WDR7: variants seen among roughly 807,000 people sequenced by gnomAD.
The protein encoded by WDR7 is WD repeat domain 7.
Under a neutral mutation model 169.4 loss-of-function variants are expected in WDR7, and 46 were observed. The observed-to-expected ratio is 0.27, with a 90% CI of 0.21 to 0.35. WDR7 has a LOEUF of 0.35. Among genes scored for constraint, WDR7 ranks in the 10% least tolerant of loss-of-function variants. The pLI is 1.00. For synonymous variants in WDR7, 612 were observed against 666.8 expected (o/e 0.92, Z 1.27); for missense variants, 1,534 against 1,859.3 (o/e 0.83, Z 3.22).
chr18:56,853,326 G>C (rs1034438900), intron 20 of WDR7, among the ~76,000 whole-genome samples: 1 of 151,956 alleles, frequency 6.6e-6, no homozygotes, highest in South Asian at 2.1e-4. Context: ...TCACTTAGTC[G>C]TATATCATAA....
At chr18:56,857,471 G>A (rs1447856602) in intron 20 of WDR7, among the ~76,000 whole-genome samples, 4 of 151,952 alleles carry the variant, frequency 2.6e-5, no homozygotes, top group Non-Finnish European at 4.4e-5. Flanking sequence ...TGCCCAGGCC[G>A]GTCACGAACT....
In WDR7 at chr18:56,861,298, A is replaced by G. The variant is rs556869961; in HGVS notation, c.3305-18646A>G. Among the ~76,000 whole-genome samples, 4 of 152,324 alleles carry G rather than the reference A, an allele frequency of 2.6e-5. No homozygotes were observed. The South Asian group carries it at 8.3e-4, about 32-fold the overall frequency. The stretch of plus-strand genomic sequence containing the variant: ...CTTCAACTTGATTCGTGGTGATTCA[A>G]AATTAACTTAAAAGTCTTGTTTGCT... On this transcript the variant is annotated intron_variant, in intron 20 of 27. Coordinates refer to ENST00000254442, the MANE Select transcript of WDR7 (RefSeq NM_015285.3).
chr18:56,752,653 G>A (rs2043814114), intron 14 of WDR7, among the ~76,000 whole-genome samples: 1 of 152,060 alleles, frequency 6.6e-6, no homozygotes, highest in Admixed American at 6.5e-5. Flanking sequence ...ATTTTTTTCT[G>A]CATTTGTAAC....
In WDR7 at chr18:56,686,870, T is replaced by G. The variant is rs1368987956; in HGVS notation, c.613T>G (p.Phe205Val). Reference protein sequence around the residue: ...ISDMQDTEPIFEEESKPIYCQ... With the variant: ...ISDMQDTEPIVEEESKPIYCQ... ...TTCTTTTCAGGATACTGAGCCAATA[T>G]TTGAGGAGGAATCCAAACCAATTTA... The change falls in exon 7 of 28, where the codon TTT becomes GTT. Residue 205 changes from phenylalanine (F) to valine (V), a missense_variant. Physicochemically the swap from Phe to Val is conservative, Grantham distance 50 (BLOSUM62 -1). Coordinates refer to ENST00000254442, the MANE Select transcript of WDR7 (RefSeq NM_015285.3). The G allele has an allele frequency of 3.7e-6, 6 of 1,602,598 alleles. No individual in the cohort carries two copies. The highest frequency in any genetic ancestry group is 5.1e-6 in the Non-Finnish European group (6 of 1,169,994).
At chr18:56,875,299 C>A (rs1194470222) in intron 20 of WDR7, among the ~76,000 whole-genome samples, 1 of 152,182 alleles carries the variant, frequency 6.6e-6, no homozygotes, top group Non-Finnish European at 1.5e-5. Context: ...CTCTCCACTT[C>A]CCGTGTCTTC....
chr18:56,951,493 A>G (rs1224237863), intron 25 of WDR7, among the ~76,000 whole-genome samples: 1 of 152,202 alleles, frequency 6.6e-6, no homozygotes, highest in Non-Finnish European at 1.5e-5. Flanking sequence ...TTCTAAGGTT[A>G]TCTTACAGTT....
intron 20 of WDR7, among the ~76,000 whole-genome samples, chr18:56,819,423 C>G (rs10503010): frequency 0.12 from 18,352 of 152,068 alleles, 1,644 homozygotes; most frequent in African/African-American, 0.25. Context: ...ATCTATTGAT[C>G]GGCTCTACAG....
downstream of WDR7, chr18:57,032,810 T>C (rs1449365293): frequency 2.0e-4 from 4 of 19,966 alleles, no homozygotes; most frequent in East Asian, 3.2e-3. Flanking sequence ...TTTATATATA[T>C]ATATATATAT....
chr18:56,848,778 C>T (rs1198209254), intron 20 of WDR7, among the ~76,000 whole-genome samples: 1 of 152,130 alleles, frequency 6.6e-6, no homozygotes, highest in Non-Finnish European at 1.5e-5. Flanking sequence ...AATATGCCTG[C>T]ACCTGCTTCA....
At chr18:56,701,199 A>G (rs1166426153) in intron 12 of WDR7, among the ~76,000 whole-genome samples, 1 of 152,346 alleles carries the variant, frequency 6.6e-6, no homozygotes, top group East Asian at 1.9e-4. Flanking sequence ...TGATGATGGC[A>G]AGGGCGTATT....
intron 11 of WDR7, 63 bp downstream of exon 11, chr18:56,695,261 G>A (rs2025673824): frequency 6.4e-7 from 1 of 1,553,412 alleles, no homozygotes; most frequent in African/African-American, 1.4e-5. Context: ...GAGTGAAAAT[G>A]TCTCTGTTTT....
At chr18:56,922,975 A>G (rs2046747712) in intron 21 of WDR7, among the ~76,000 whole-genome samples, 1 of 152,170 alleles carries the variant, frequency 6.6e-6, no homozygotes, top group South Asian at 2.1e-4. Flanking sequence ...CTCAGTGAGT[A>G]CCTTCCTAGG....
At chr18:56,935,970 G>A (rs547075444) in intron 23 of WDR7, 65 bp downstream of exon 23, 1 of 1,406,932 alleles carries the variant, frequency 7.1e-7, no homozygotes, top group African/African-American at 1.4e-5. Context: ...ACTATAAGCT[G>A]AGGGTTCATA....
chr18:56,917,146 G>A (rs1195362573), intron 21 of WDR7, among the ~76,000 whole-genome samples: 5 of 151,898 alleles, frequency 3.3e-5, no homozygotes, highest in Non-Finnish European at 5.9e-5. Flanking sequence ...GCAGTGAGCC[G>A]AGATCATGCC....
chr18:56,938,971 C>G (rs983930231), intron 24 of WDR7, among the ~76,000 whole-genome samples: 4 of 151,958 alleles, frequency 2.6e-5, no homozygotes, highest in Non-Finnish European at 5.9e-5. Context: ...ATGTAAAGGT[C>G]TGTAATATGT....
At chr18:56,981,639 G>A (rs1568298376) in intron 26 of WDR7, among the ~76,000 whole-genome samples, 1 of 152,184 alleles carries the variant, frequency 6.6e-6, no homozygotes, top group African/African-American at 2.4e-5. Flanking sequence ...TACTCAAAGA[G>A]GAGTGTCTCA....
chr18:56,771,009 A>C (rs935712288), intron 16 of WDR7, among the ~76,000 whole-genome samples: 4 of 152,172 alleles, frequency 2.6e-5, no homozygotes, highest in Admixed American at 6.6e-5. Flanking sequence ...AGTACATACC[A>C]TGCACTTTCC....
intron 19 of WDR7, among the ~76,000 whole-genome samples, chr18:56,803,523 C>A (rs948312202): frequency 6.6e-6 from 1 of 151,808 alleles, no homozygotes; most frequent in Non-Finnish European, 1.5e-5. Context: ...AAACATGTAT[C>A]GTAAGACGTC....
chr18:56,805,485 G>A (rs1282531286), intron 19 of WDR7, among the ~76,000 whole-genome samples: 2 of 152,022 alleles, frequency 1.3e-5, no homozygotes, highest in Admixed American at 6.6e-5. Flanking sequence ...TCCATCTTTC[G>A]AGATTTCAAC....
Sources: gnomAD v4.1 joint callset for allele counts (sites outside exome capture counted in the v4.1 genomes callset) on GRCh38, gnomAD v4.1.1 for gene constraint, MANE v1.5 for transcripts, NCBI Gene and HGNC (gene_info 2026-07-23, HGNC 2026-07-21) for gene names.